Variants in RAD18 observed in about 807,000 individuals in gnomAD.
RAD18 encodes the protein E3 ubiquitin-protein ligase RAD18.
Under a neutral mutation model 60.4 loss-of-function variants are expected in RAD18, and 47 were observed. That is an observed-to-expected ratio of 0.78 (90% CI 0.62 to 0.99). The LOEUF (loss-of-function observed/expected upper bound fraction) is 0.99, where lower values mean the gene tolerates loss of function less well. Ranked by LOEUF, RAD18 falls within the 50% of genes least tolerant of loss-of-function variation. RAD18 has a pLI of 0.00. For synonymous variants in RAD18, 225 were observed against 195.5 expected, an observed-to-expected ratio of 1.15 and a Z score of -1.26; for missense variants, 640 against 593.3, an observed-to-expected ratio of 1.08 and a Z score of -0.82.
intron 2 of RAD18, among the ~76,000 whole-genome samples, chr3:8,954,719 T>C (rs1940980436): frequency 6.6e-6 from 1 of 152,090 alleles, no homozygotes; most frequent in Admixed American, 6.6e-5. Context: ...AAATGATAAA[T>C]CATGAAAAAT....
intron 7 of RAD18, among the ~76,000 whole-genome samples, chr3:8,920,352 G>A (rs1040365550): frequency 2.6e-5 from 4 of 151,598 alleles, no homozygotes; most frequent in Admixed American, 1.3e-4. Flanking sequence ...TCAGAATCAT[G>A]CCAAGTATCA....
At chr3:8,941,833 T>C in intron 4 of RAD18, 29 bp from the exon 5 acceptor site, 1 of 1,532,040 alleles carries the variant, frequency 6.5e-7, no homozygotes, top group Non-Finnish European at 8.9e-7. Context: ...CAACAGACAA[T>C]TAAGAGATCC....
At chr3:8,941,240 G>A (rs187164992) in intron 5 of RAD18, among the ~76,000 whole-genome samples, 1 of 152,334 alleles carries the variant, frequency 6.6e-6, no homozygotes, top group East Asian at 1.9e-4. Context: ...CATACTTGAA[G>A]GCTGAACTAA....
chr3:8,898,338 TAAGTGA>T (rs1035264945), intron 11 of RAD18, among the ~76,000 whole-genome samples: 1 of 151,878 alleles, frequency 6.6e-6, no homozygotes, highest in Non-Finnish European at 1.5e-5. Context: ...GACATAACAT[TAAGTGA>T]AAGACCGGAA....
At chr3:8,940,367 A>C (rs961480989) in intron 5 of RAD18, among the ~76,000 whole-genome samples, 5 of 152,214 alleles carry the variant, frequency 3.3e-5, no homozygotes, top group African/African-American at 1.2e-4. Context: ...GGGGAAAAAC[A>C]GTTAACCATC....
chr3:8,882,887 C>G (rs1344116984), intron 12 of RAD18, among the ~76,000 whole-genome samples: 1 of 152,204 alleles, frequency 6.6e-6, no homozygotes, highest in Non-Finnish European at 1.5e-5. Context: ...CATTTCTAGG[C>G]ACAAACACTA....
At chr3:8,902,355 T>C (rs552048218) in intron 10 of RAD18, 25 bp downstream of exon 10, 20 of 1,484,398 alleles carry the variant, frequency 1.3e-5, no homozygotes, top group Non-Finnish European at 1.5e-5. Flanking sequence ...TCGACATATG[T>C]CTGTTTTTAA....
At chr3:8,908,515 T>C (rs1304949945) in intron 9 of RAD18, among the ~76,000 whole-genome samples, 1 of 152,116 alleles carries the variant, frequency 6.6e-6, no homozygotes, top group Non-Finnish European at 1.5e-5. Flanking sequence ...GAACAGATCC[T>C]TCCTGCATGG....
intron 12 of RAD18, among the ~76,000 whole-genome samples, chr3:8,885,253 T>G (rs1172309397): frequency 4.6e-5 from 7 of 152,184 alleles, no homozygotes; most frequent in African/African-American, 1.7e-4. Flanking sequence ...GAGTTTCCTT[T>G]TATTCATTTT....
At chr3:8,922,485 TG>T in intron 7 of RAD18, among the ~76,000 whole-genome samples, 1 of 152,292 alleles carries the variant, frequency 6.6e-6, no homozygotes, top group East Asian at 1.9e-4. Context: ...ACTCCACCTC[TG>T]GGGGCAGGGC....
intron 7 of RAD18, among the ~76,000 whole-genome samples, chr3:8,928,226 A>T (rs1353702931): frequency 6.6e-6 from 1 of 152,056 alleles, no homozygotes; most frequent in African/African-American, 2.4e-5. Context: ...TAACATAAAA[A>T]ACTAAAAAAT....
intron 2 of RAD18, among the ~76,000 whole-genome samples, chr3:8,955,453 G>C (rs9831613): frequency 0.26 from 39,011 of 152,096 alleles, 7,719 homozygotes; most frequent in African/African-American, 0.56. Flanking sequence ...AGGACCCATA[G>C]AGCAGACAGA....
chr3:8,920,621 G>A (rs1940301289), intron 7 of RAD18, among the ~76,000 whole-genome samples: 1 of 152,008 alleles, frequency 6.6e-6, no homozygotes, highest in African/African-American at 2.4e-5. Flanking sequence ...GTACACAGAT[G>A]TCAAATGGCT....
intron 9 of RAD18, among the ~76,000 whole-genome samples, chr3:8,909,258 T>C (rs1940065381): frequency 6.6e-6 from 1 of 152,126 alleles, no homozygotes; most frequent in African/African-American, 2.4e-5. Flanking sequence ...AATAACAGAC[T>C]TTACAAACTG....
intron 11 of RAD18, among the ~76,000 whole-genome samples, chr3:8,892,171 T>A (rs189340026): frequency 6.6e-6 from 1 of 152,198 alleles, no homozygotes; most frequent in Non-Finnish European, 1.5e-5. Context: ...TCAGAGCATA[T>A]ACAAGCCTAC....
intron 5 of RAD18, 142 bp from the exon 6 acceptor site, chr3:8,939,795 G>A (rs1940716708): frequency 1.5e-6 from 1 of 656,696 alleles, no homozygotes; most frequent in Non-Finnish European, 2.5e-6. Context: ...GAAAAAGAAT[G>A]GCCCATCGGG....
At chr3:8,946,982 T>C in intron 4 of RAD18, 1 of 375,394 alleles carries the variant, frequency 2.7e-6, no homozygotes, top group South Asian at 5.8e-5. Flanking sequence ...AGTAAGGAAG[T>C]CCTCAAATCT....
chr3:8,944,386 T>G (rs1338276101), intron 4 of RAD18, among the ~76,000 whole-genome samples: 2 of 152,124 alleles, frequency 1.3e-5, no homozygotes, highest in Non-Finnish European at 2.9e-5. Context: ...GTTTATTTCT[T>G]CAGTGTGGAC....
At position 8,913,712 on chromosome 3, in the gene RAD18, T is replaced by G. The variant is rs1178650603; in HGVS notation, c.898A>C (p.Ile300Leu). 1 of 1,554,148 alleles carries G rather than the reference T, an allele frequency of 6.4e-7. No homozygotes were observed. Among genetic ancestry groups the G allele is most frequent in the Non-Finnish European group, 8.8e-7 (1 of 1,141,738 alleles). ...TCTATATTTTCGATTTCTCGAACTA[T>G]TTCAGCAGCTGTTAAAATAAGAAAA... The part of the protein sequence containing the change: ...DALHPKSAAE[I>L]VREIENIEKT... The change falls in exon 8 of 13, where the codon ATA becomes CTA. Residue 300 changes from isoleucine to leucine, a missense_variant. By Grantham distance (5) the Ile-to-Leu change is conservative (BLOSUM62 2). Transcript: ENST00000264926.
Sources: allele counts gnomAD v4.1 joint callset (sites outside exome capture counted in the v4.1 genomes callset), GRCh38; gene constraint gnomAD v4.1.1; transcripts MANE v1.5; gene names NCBI Gene and HGNC (gene_info 2026-07-23, HGNC 2026-07-21).